The following ATF6 variants were observed in gnomAD, a reference collection of about 807,000 sequenced individuals.
The protein encoded by ATF6 is cyclic AMP-dependent transcription factor ATF-6 alpha.
Under a neutral mutation model 83.6 loss-of-function variants are expected in ATF6, and 53 were observed. The observed-to-expected ratio is 0.63, with a 90% CI of 0.51 to 0.80. The LOEUF (loss-of-function observed/expected upper bound fraction) is 0.80, where lower values mean the gene tolerates loss of function less well. Among genes scored for constraint, ATF6 ranks in the 30% least tolerant of loss-of-function variants. ATF6 has a pLI of 0.00. For missense variants in ATF6, 744 were observed against 797.9 expected, an observed-to-expected ratio of 0.93 and a Z score of 0.81; for synonymous variants, 288 against 285.8, an observed-to-expected ratio of 1.01 and a Z score of -0.08.
chr1:161,844,260 A>G (rs1686426014), intron 9 of ATF6, among the ~76,000 whole-genome samples: 1 of 152,182 alleles, frequency 6.6e-6, no homozygotes, highest in African/African-American at 2.4e-5. Flanking sequence ...TGCTAAAGGA[A>G]CTTCAGACTA....
At chr1:161,935,455 C>G (rs932928803) in intron 15 of ATF6, among the ~76,000 whole-genome samples, 1 of 152,192 alleles carries the variant, frequency 6.6e-6, no homozygotes, top group African/African-American at 2.4e-5. Context: ...CAAACCCTCA[C>G]CAGACATTAA....
chr1:161,860,138 A>G, intron 12 of ATF6, 69 bp from the exon 13 acceptor site: 1 of 1,049,126 alleles, frequency 9.5e-7, no homozygotes, highest in Non-Finnish European at 1.4e-6. Context: ...TATAGAATGA[A>G]CCAGTATAGG....
At chr1:161,890,352 G>T (rs1687521587) in intron 14 of ATF6, among the ~76,000 whole-genome samples, 1 of 152,188 alleles carries the variant, frequency 6.6e-6, no homozygotes, top group Non-Finnish European at 1.5e-5. Flanking sequence ...GAAAGCAAGG[G>T]TTAGGTCCAG....
chr1:161,910,211 A>G (rs1687962467), intron 14 of ATF6, among the ~76,000 whole-genome samples: 2 of 152,196 alleles, frequency 1.3e-5, no homozygotes, highest in African/African-American at 2.4e-5. Flanking sequence ...TATATATTAT[A>G]TAGACACTTA....
intron 4 of ATF6, among the ~76,000 whole-genome samples, chr1:161,789,223 C>T (rs1215319359): frequency 7.4e-6 from 1 of 134,830 alleles, no homozygotes; most frequent in Non-Finnish European, 1.6e-5. Context: ...CCCTGCTGTG[C>T]TATTAAATAA....
At chr1:161,775,522 G>T (rs904850410) in intron 1 of ATF6, among the ~76,000 whole-genome samples, 2 of 151,874 alleles carry the variant, frequency 1.3e-5, no homozygotes, top group African/African-American at 4.8e-5. Context: ...CCTTTGTTCC[G>T]TGATGAACTC....
intron 9 of ATF6, among the ~76,000 whole-genome samples, chr1:161,831,140 G>A (rs1164807555): frequency 1.3e-5 from 2 of 152,316 alleles, no homozygotes; most frequent in East Asian, 3.9e-4. Context: ...TGAAGGATAT[G>A]AACAGACACT....
At chr1:161,820,150 A>G (rs1314601752) in intron 8 of ATF6, among the ~76,000 whole-genome samples, 2 of 152,162 alleles carry the variant, frequency 1.3e-5, no homozygotes, top group Non-Finnish European at 2.9e-5. Context: ...AAAACAATAT[A>G]AAAGTGTTTT....
chr1:161,947,202 G>A (rs549325701), intron 15 of ATF6, among the ~76,000 whole-genome samples: 23 of 152,312 alleles, frequency 1.5e-4, no homozygotes, highest in East Asian at 7.7e-4. Context: ...AGATTGGGCT[G>A]GAGTCTGACT....
chr1:161,963,225 A>T lies in ATF6; in HGVS notation c.*4571A>T, dbSNP rs1007094006. 1.3e-5 allele frequency: 2 copies of T among 152,358 alleles called. No individual in the cohort carries two copies. Among genetic ancestry groups the T allele is most frequent in the Non-Finnish European group, 2.9e-5 (2 of 68,040 alleles). 9.4% of individuals were successfully genotyped at this position (152,358 alleles called of 1,614,324 possible). On this transcript the variant is annotated 3_prime_UTR_variant, in exon 16 of 16. Coordinates refer to ENST00000367942, the MANE Select transcript of ATF6 (RefSeq NM_007348.4). Reference sequence around the variant, plus strand: ...CTTATCTTTTTAATGACTAAGCTTTAAACAGTTTATTTTGGGTAAGACTAG... The same window carrying T: ...CTTATCTTTTTAATGACTAAGCTTTTAACAGTTTATTTTGGGTAAGACTAG...
At chr1:161,766,483 G>C in intron 1 of ATF6, 41 bp downstream of exon 1, 1 of 1,591,134 alleles carries the variant, frequency 6.3e-7, no homozygotes, top group Non-Finnish European at 8.6e-7. Flanking sequence ...GCTCGGGTTC[G>C]CGTCTAAAGG....
intron 15 of ATF6, among the ~76,000 whole-genome samples, chr1:161,951,092 A>C (rs954355970): frequency 2.6e-5 from 4 of 152,210 alleles, no homozygotes; most frequent in African/African-American, 9.6e-5. Flanking sequence ...GGGGAGCTAA[A>C]CTTGATTGAA....
chr1:161,784,866 C>G (rs1684712072), intron 4 of ATF6, among the ~76,000 whole-genome samples: 1 of 152,158 alleles, frequency 6.6e-6, no homozygotes. Flanking sequence ...AACTGGTCAG[C>G]CTTACAACTC....
chr1:161,783,622 T>G (rs549839298), intron 3 of ATF6, among the ~76,000 whole-genome samples: 1 of 152,214 alleles, frequency 6.6e-6, no homozygotes, highest in South Asian at 2.1e-4. Context: ...ATCTGTATAG[T>G]AGAAAAATGT....
intron 14 of ATF6, among the ~76,000 whole-genome samples, chr1:161,865,449 C>T (rs977049591): frequency 4.6e-5 from 7 of 152,112 alleles, no homozygotes; most frequent in East Asian, 3.8e-4. Context: ...TGAGCCACCG[C>T]GCCCAACCAA....
chr1:161,857,436 T>G (rs924939684), intron 12 of ATF6, among the ~76,000 whole-genome samples: 1 of 152,116 alleles, frequency 6.6e-6, no homozygotes, highest in African/African-American at 2.4e-5. Flanking sequence ...AGACTTTGAG[T>G]TTTTAGAGAA....
intron 7 of ATF6, among the ~76,000 whole-genome samples, chr1:161,809,995 C>T (rs1685414924): frequency 6.6e-6 from 1 of 152,086 alleles, no homozygotes; most frequent in Admixed American, 6.5e-5. Flanking sequence ...ATTGGATTTG[C>T]TGGGCCAGAA....
intron 1 of ATF6, among the ~76,000 whole-genome samples, chr1:161,775,612 C>G (rs1684497460): frequency 6.6e-6 from 1 of 151,988 alleles, no homozygotes; most frequent in Admixed American, 6.6e-5. Flanking sequence ...CAGATTTGAC[C>G]ACTGAGAATT....
At chr1:161,855,122 A>C (rs929227338) in intron 12 of ATF6, among the ~76,000 whole-genome samples, 1 of 152,010 alleles carries the variant, frequency 6.6e-6, no homozygotes. Context: ...TGAGTAGGGG[A>C]GTGACTTGAT....
Sources: allele counts gnomAD v4.1 joint callset (sites outside exome capture counted in the v4.1 genomes callset), GRCh38; gene constraint gnomAD v4.1.1; transcripts MANE v1.5; gene names NCBI Gene and HGNC (gene_info 2026-07-23, HGNC 2026-07-21).